The following MCPH1 variants were observed in gnomAD, a reference collection of about 807,000 sequenced individuals.
The protein encoded by MCPH1 is microcephalin.
MCPH1 carries 104 observed loss-of-function variants against 84.5 expected under a neutral mutation model. That is an observed-to-expected ratio of 1.23 (90% CI 1.05 to 1.45). MCPH1 has a LOEUF of 1.45. MCPH1 is among the 40% of genes most tolerant of loss of function. The pLI, the probability that MCPH1 is intolerant of heterozygous loss-of-function variation, is 0.00. For synonymous variants in MCPH1, 514 were observed against 366.8 expected, an observed-to-expected ratio of 1.40 and a Z score of -4.58; for missense variants, 1,498 against 1,005.7, an observed-to-expected ratio of 1.49 and a Z score of -6.62.
chr8:6,457,471 G>A (rs55866516), intron 9 of MCPH1, among the ~76,000 whole-genome samples: 1,721 of 151,776 alleles, frequency 0.011, 42 homozygotes, highest in African/African-American at 0.04. Flanking sequence ...CAGGCCTGGT[G>A]GTGGGCACCT....
intron 9 of MCPH1, among the ~76,000 whole-genome samples, chr8:6,456,131 T>C (rs909445151): frequency 6.6e-6 from 1 of 152,220 alleles, no homozygotes; most frequent in Non-Finnish European, 1.5e-5. Flanking sequence ...CTTAGATTTC[T>C]TTACTGATGC....
intron 12 of MCPH1, among the ~76,000 whole-genome samples, chr8:6,510,158 C>CT (rs11395431): frequency 0.52 from 76,809 of 146,552 alleles, 20,444 homozygotes; most frequent in African/African-American, 0.66. Flanking sequence ...GTTGTTTTTT[C>CT]TTTTTTTTTT....
rs2515415 is a variant in MCPH1 at position 6,414,956 on chromosome 8, A to G, written c.233+73A>G. The G allele has an allele frequency of 0.99, 1,494,968 of 1,503,116 alleles. 743,766 individuals carry two copies. Among genetic ancestry groups the G allele is most frequent in the East Asian group, 1 (43,588 of 43,590 alleles). The allele number at this position is 1,503,116 out of a possible 1,614,324, so 93.1% of individuals were successfully genotyped here. Reference sequence around the variant, plus strand: ...AAATGTGTGGAGATATTTTTCACAGATCGCAGAACCAGATAAAGTTTGATT... The same window carrying G: ...AAATGTGTGGAGATATTTTTCACAGGTCGCAGAACCAGATAAAGTTTGATT... On this transcript the variant is annotated intron_variant, in intron 3 of 13. Coordinates refer to ENST00000344683, the MANE Select transcript of MCPH1 (RefSeq NM_024596.5).
At chr8:6,437,702 G>A (rs1585759266) in intron 5 of MCPH1, among the ~76,000 whole-genome samples, 2 of 152,178 alleles carry the variant, frequency 1.3e-5, no homozygotes, top group East Asian at 1.9e-4. Context: ...CAGCTGTCTC[G>A]TCTTCGTCAA....
At chr8:6,514,868 A>G in intron 12 of MCPH1, 7 of 1,109,088 alleles carry the variant, frequency 6.3e-6, no homozygotes, top group Admixed American at 3.6e-5. Flanking sequence ...CCCTGAGTGC[A>G]GGACTCAGCC....
At chr8:6,426,410 C>T (rs1801068152) in intron 3 of MCPH1, among the ~76,000 whole-genome samples, 1 of 152,198 alleles carries the variant, frequency 6.6e-6, no homozygotes, top group African/African-American at 2.4e-5. Flanking sequence ...ATTAGTGTCA[C>T]CAATTCTGGG....
At chr8:6,500,238 T>C in intron 12 of MCPH1, 1 of 368,026 alleles carries the variant, frequency 2.7e-6, no homozygotes, top group Non-Finnish European at 5.1e-6. Context: ...TATATCTTGC[T>C]TAATGTTTTT....
At chr8:6,526,257 TAAAAAAAAAA>T (rs35519559) in intron 12 of MCPH1, among the ~76,000 whole-genome samples, 42 of 77,498 alleles carry the variant, frequency 5.4e-4, no homozygotes, top group African/African-American at 1.3e-3. Flanking sequence ...TTGCCTCTAC[TAAAAAAAAAA>T]AAAAAAAAAA....
chr8:6,447,904 TTTA>T (rs1445641419), intron 8 of MCPH1, among the ~76,000 whole-genome samples: 82 of 152,236 alleles, frequency 5.4e-4, no homozygotes, highest in African/African-American at 1.7e-3. Context: ...TTTTTACTTT[TTTA>T]TTCTCTTAAT....
intron 9 of MCPH1, among the ~76,000 whole-genome samples, chr8:6,461,605 G>T (rs1271046433): frequency 1.3e-5 from 2 of 151,906 alleles, no homozygotes; most frequent in African/African-American, 2.4e-5. Flanking sequence ...CTCCCAAAGT[G>T]CTGGGATTAC....
intron 12 of MCPH1, chr8:6,503,137 C>T (rs1812534836): frequency 6.2e-7 from 1 of 1,614,068 alleles, no homozygotes. Context: ...TGGTTGTGGC[C>T]TTGAGCGAAT....
chr8:6,446,986 A>G (rs1804487718), intron 8 of MCPH1: 1 of 985,244 alleles, frequency 1.0e-6, no homozygotes, highest in Non-Finnish European at 1.2e-6. Flanking sequence ...TTTTTCGCTC[A>G]GTGGTGCAGG....
intron 13 of MCPH1, among the ~76,000 whole-genome samples, chr8:6,628,762 T>G (rs2129581905): frequency 6.6e-6 from 1 of 152,322 alleles, no homozygotes; most frequent in South Asian, 2.1e-4. Flanking sequence ...CACAGCTGCC[T>G]TGCAGCTCTG....
intron 12 of MCPH1, 127 bp downstream of exon 12, chr8:6,500,056 T>C: frequency 1.3e-6 from 1 of 785,830 alleles, no homozygotes. Context: ...AAAAAGACAT[T>C]CACAGAACTT....
chr8:6,508,827 G>T (rs113081627), intron 12 of MCPH1: 2 of 1,492,546 alleles, frequency 1.3e-6, no homozygotes, highest in Non-Finnish European at 1.9e-6. Context: ...GTATGAAATT[G>T]TGGACATCGT....
At chr8:6,479,087 A>C (rs1808845155) in intron 10 of MCPH1, among the ~76,000 whole-genome samples, 1 of 152,168 alleles carries the variant, frequency 6.6e-6, no homozygotes, top group Non-Finnish European at 1.5e-5. Flanking sequence ...CAACATAGCA[A>C]AACCTTGTGT....
At chr8:6,527,854 A>T (rs1290992454) in intron 12 of MCPH1, among the ~76,000 whole-genome samples, 1 of 150,984 alleles carries the variant, frequency 6.6e-6, no homozygotes, top group African/African-American at 2.4e-5. Flanking sequence ...GTCTTAGATC[A>T]CATCTGAGTG....
At chr8:6,430,058 C>T (rs191450884) in intron 3 of MCPH1, among the ~76,000 whole-genome samples, 7 of 152,218 alleles carry the variant, frequency 4.6e-5, no homozygotes, top group African/African-American at 1.7e-4. Flanking sequence ...AGTCTATGCT[C>T]TGCTTCCAGA....
At chr8:6,426,883 A>G (rs1348460150) in intron 3 of MCPH1, among the ~76,000 whole-genome samples, 1 of 152,172 alleles carries the variant, frequency 6.6e-6, no homozygotes, top group Non-Finnish European at 1.5e-5. Flanking sequence ...AATTTGTCCA[A>G]TTAAAGTATA....
Sources: gnomAD v4.1 joint callset for allele counts (sites outside exome capture counted in the v4.1 genomes callset) on GRCh38, gnomAD v4.1.1 for gene constraint, MANE v1.5 for transcripts, NCBI Gene and HGNC (gene_info 2026-07-23, HGNC 2026-07-21) for gene names.